ADGRB1: variants seen among roughly 807,000 people sequenced by gnomAD.
ADGRB1 encodes brain-specific angiogenesis inhibitor 1.
Under a neutral mutation model 175.7 loss-of-function variants are expected in ADGRB1, and 36 were observed. That is an observed-to-expected ratio of 0.20 (90% CI 0.16 to 0.27). The LOEUF (loss-of-function observed/expected upper bound fraction) is 0.27, where lower values mean the gene tolerates loss of function less well. ADGRB1 is among the 10% of genes least tolerant of loss of function. ADGRB1 has a pLI of 1.00. For missense variants in ADGRB1, 1,731 were observed against 2,255.3 expected, an observed-to-expected ratio of 0.77 and a Z score of 4.71; for synonymous variants, 1,054 against 979.4, an observed-to-expected ratio of 1.08 and a Z score of -1.42.
At chr8:142,516,618 G>A (rs1270869750) in intron 18 of ADGRB1, among the ~76,000 whole-genome samples, 1 of 146,472 alleles carries the variant, frequency 6.8e-6, no homozygotes, top group Non-Finnish European at 1.5e-5. Flanking sequence ...GTGTGTGTGT[G>A]TGTGTGCATG....
intron 13 of ADGRB1, 123 bp from the exon 14 acceptor site, chr8:142,488,241 A>G: frequency 1.5e-6 from 2 of 1,378,720 alleles, no homozygotes; most frequent in East Asian, 2.3e-5. Flanking sequence ...CCTCTGAGCC[A>G]TGGGCACCCC....
chr8:142,476,460 C>T (rs373020851), intron 3 of ADGRB1, 125 bp from the exon 4 acceptor site: 27 of 830,766 alleles, frequency 3.3e-5, no homozygotes, highest in African/African-American at 1.5e-4. Flanking sequence ...CACTCTGGTC[C>T]CTGGCTCCCA....
intron 25 of ADGRB1, among the ~76,000 whole-genome samples, chr8:142,536,117 G>A (rs539807996): frequency 6.6e-6 from 1 of 151,874 alleles, no homozygotes; most frequent in Non-Finnish European, 1.5e-5. Flanking sequence ...GTAGGTGGGT[G>A]CCTGGAAGCC....
rs916438434 is a variant in ADGRB1 at position 142,542,699 on chromosome 8, G to C, written c.4413+52G>C. 2.7e-6 allele frequency: 4 copies of C among 1,472,680 alleles called. No individual in the cohort carries two copies. The African/African-American group carries it at 5.8e-5, about 21-fold the overall frequency. The allele number at this position is 1,472,680 out of a possible 1,614,324, so 91.2% of individuals were successfully genotyped here. A position where few individuals can be genotyped will look rare whatever the true frequency, so the allele number is the denominator to read the frequency against. ...CCCAGCCAGCGAGGGCAGGGCTGCA[G>C]CAGCTGGGTCACCCCTGCTGGGTGG... is the stretch of plus-strand genomic sequence containing the variant. On this transcript the variant is annotated intron_variant, in intron 28 of 30. Transcript: ENST00000517894. This position sits in a 1 kb window ranked among gnomAD's most constrained non-coding sequence, Gnocchi z 6.3.
chr8:142,459,849 C>T (rs1221778539), intron 1 of ADGRB1, among the ~76,000 whole-genome samples: 1 of 152,220 alleles, frequency 6.6e-6, no homozygotes, highest in Admixed American at 6.5e-5. Flanking sequence ...TCCACATTGA[C>T]CTTCCTCCTG....
intron 17 of ADGRB1, among the ~76,000 whole-genome samples, chr8:142,494,797 C>T (rs999607134): frequency 2.0e-5 from 3 of 151,838 alleles, no homozygotes; most frequent in African/African-American, 7.3e-5. Context: ...TGCTCCTGCT[C>T]CCCCACACCC....
intron 2 of ADGRB1, among the ~76,000 whole-genome samples, chr8:142,471,305 G>A (rs925104168): frequency 6.6e-5 from 10 of 152,224 alleles, no homozygotes; most frequent in South Asian, 2.1e-4. Flanking sequence ...CCCCACGCCC[G>A]CCTGGCTGCG....
intron 6 of ADGRB1, among the ~76,000 whole-genome samples, chr8:142,477,797 G>C (rs1841063033): frequency 6.6e-6 from 1 of 152,126 alleles, no homozygotes. Context: ...TCCCAGGCTG[G>C]ATGTTCATGC....
chr8:142,498,688 C>G (rs1842340692), intron 17 of ADGRB1, among the ~76,000 whole-genome samples: 1 of 152,244 alleles, frequency 6.6e-6, no homozygotes, highest in East Asian at 1.9e-4. Context: ...CACCAGCCAC[C>G]AGCAAGGGCC....
chr8:142,544,384 C>T lies in ADGRB1; in HGVS notation c.4722C>T (p.Gly1574=), dbSNP rs1180946555. The change falls in exon 31 of 31, where the codon GGC becomes GGT. Residue 1574 remains glycine, a synonymous_variant. Coordinates refer to ENST00000517894, the MANE Select transcript of ADGRB1 (RefSeq NM_001702.3). Reference sequence around the variant, plus strand: ...CGGGCGCCACGATCCCGCTGGTGGGCCAGGACATCATCGACCTCCAGACCG... The same window carrying T: ...CGGGCGCCACGATCCCGCTGGTGGGTCAGGACATCATCGACCTCCAGACCG... ...ERSGATIPLV[G]QDIIDLQTEV The T allele has an allele frequency of 3.9e-6, 6 of 1,522,854 alleles. No homozygotes were observed. The highest frequency in any genetic ancestry group is 5.3e-6 in the Non-Finnish European group (6 of 1,132,986). 94.3% of individuals were successfully genotyped at this position (1,522,854 alleles called of 1,614,324 possible).
intron 23 of ADGRB1, among the ~76,000 whole-genome samples, chr8:142,526,027 G>T (rs1373185734): frequency 3.3e-5 from 5 of 152,200 alleles, no homozygotes; most frequent in South Asian, 2.1e-4. Context: ...AGGCATGGGA[G>T]ACTTATGTTA....
chr8:142,536,898 G>GC (rs1039902150), intron 25 of ADGRB1, 89 bp from the exon 26 acceptor site: 204 of 1,140,798 alleles, frequency 1.8e-4, no homozygotes, highest in African/African-American at 1.8e-3. Context: ...CGAGACGCCC[G>GC]CCCCCCCACA....
At chr8:142,469,529 G>A (rs561035483) in intron 2 of ADGRB1, among the ~76,000 whole-genome samples, 1 of 145,698 alleles carries the variant, frequency 6.9e-6, no homozygotes, top group South Asian at 2.1e-4. Context: ...ACGTGCATGT[G>A]TGAATGTGAG....
At position 142,539,379 on chromosome 8, in the gene ADGRB1, C is replaced by T; in HGVS notation, c.3672C>T (p.Asp1224=). Residue 1224 remains aspartate, a synonymous_variant, in exon 27 of 31, where the codon GAC becomes GAT. Coordinates refer to ENST00000517894, the MANE Select transcript of ADGRB1 (RefSeq NM_001702.3). ...CTGTTGTCTCTGTCCTACAGACCGACTTCGAGAAGGACGTGGATCTGGCCT... is the reference window on the plus strand; with the variant it reads ...CTGTTGTCTCTGTCCTACAGACCGATTTCGAGAAGGACGTGGATCTGGCCT... The part of the protein sequence containing the change: ...FQNGHAQLMT[D]FEKDVDLACR... The T allele has an allele frequency of 6.3e-7, 1 of 1,593,186 alleles. No individual in the cohort carries two copies.
At position 142,449,853 on chromosome 8, in the gene ADGRB1, C is replaced by A. The variant is rs1839229298; in HGVS notation, c.-471C>A. The A allele has an allele frequency of 6.8e-6, 1 of 146,984 alleles. No individual in the cohort carries two copies. Among genetic ancestry groups the A allele is most frequent in the Non-Finnish European group, 1.5e-5 (1 of 66,012 alleles). 9.1% of individuals were successfully genotyped at this position (146,984 alleles called of 1,614,324 possible). On this transcript the variant is annotated 5_prime_UTR_variant, in exon 1 of 31. Coordinates refer to ENST00000517894, the MANE Select transcript of ADGRB1 (RefSeq NM_001702.3). Reference sequence around the variant, plus strand: ...CCAGCATCGTCCGCAGCGCGGGCATCCGGACCCTCCGGGCGCCCGGGGGGC... The same window carrying A: ...CCAGCATCGTCCGCAGCGCGGGCATACGGACCCTCCGGGCGCCCGGGGGGC...
intron 25 of ADGRB1, among the ~76,000 whole-genome samples, chr8:142,533,993 G>T (rs1401276331): frequency 6.6e-6 from 1 of 152,228 alleles, no homozygotes; most frequent in Non-Finnish European, 1.5e-5. Flanking sequence ...CCAGATCAGC[G>T]CCAGGAGGGC....
intron 2 of ADGRB1, among the ~76,000 whole-genome samples, chr8:142,465,519 T>C (rs1451514964): frequency 1.3e-5 from 2 of 151,732 alleles, no homozygotes; most frequent in African/African-American, 2.4e-5. Flanking sequence ...AGGTTTCGGG[T>C]TGAGTATGCT....
chr8:142,510,079 GGAGGAGGAA>G lies in ADGRB1; in HGVS notation c.2676-844_2676-836del, dbSNP rs1440905570. Reference sequence around the variant, plus strand: ...AGCAGGAGGAGGAGGAAGAGGAGGCGGAGGAGGAAGAGGAGGAGGTGGAGGAGGAAGAAC... The same window carrying G: ...AGCAGGAGGAGGAGGAAGAGGAGGCGGAGGAGGAGGTGGAGGAGGAAGAAC... On this transcript the variant is annotated intron_variant, in intron 17 of 30. Coordinates refer to ENST00000517894, the MANE Select transcript of ADGRB1 (RefSeq NM_001702.3). This position sits in a 1 kb window ranked among gnomAD's most constrained non-coding sequence, Gnocchi z 6.3. 6.6e-6 allele frequency among the ~76,000 whole-genome samples: 1 copy of G among 152,100 alleles called. No homozygotes were observed. Among genetic ancestry groups the G allele is most frequent in the Non-Finnish European group, 1.5e-5 (1 of 68,002 alleles).
At chr8:142,539,313 C>G in intron 26 of ADGRB1, 61 bp from the exon 27 acceptor site, 1 of 1,531,424 alleles carries the variant, frequency 6.5e-7, no homozygotes, top group Non-Finnish European at 8.8e-7. Context: ...GGTCTGTGCA[C>G]GCGTGCACAC....
Sources: allele counts gnomAD v4.1 joint callset (sites outside exome capture counted in the v4.1 genomes callset), GRCh38; gene constraint gnomAD v4.1.1; non-coding constraint Gnocchi (gnomAD v3.1); transcripts MANE v1.5; gene names NCBI Gene and HGNC (gene_info 2026-07-23, HGNC 2026-07-21).